The following UVRAG variants were observed in gnomAD, a reference collection of about 807,000 sequenced individuals.
The protein encoded by UVRAG is UV radiation resistance associated, also known as UV radiation resistance-associated gene protein.
A neutral mutation model predicts 78.0 loss-of-function variants in UVRAG; 19 were observed. The ratio of observed to expected loss-of-function variants is 0.24; its 90% CI spans 0.17 to 0.36. The LOEUF is 0.36. Among genes scored for constraint, UVRAG ranks in the 10% least tolerant of loss-of-function variants. The probability of loss-of-function intolerance (pLI) is 1.00; values close to 1 mark genes in which losing one functional copy is unlikely to be tolerated. For synonymous variants in UVRAG, 323 were observed against 324.6 expected (o/e 1.00, Z 0.05); for missense variants, 740 against 853.8 (o/e 0.87, Z 1.66).
intron 1 of UVRAG, among the ~76,000 whole-genome samples, chr11:75,824,304 T>A (rs149293511): frequency 2.2e-3 from 336 of 152,298 alleles, no homozygotes; most frequent in Middle Eastern, 3.4e-3. Flanking sequence ...ACTTAAGATA[T>A]CAGCATCTTG....
rs113213033 is a variant in UVRAG, at chr11:76,080,895, A to C, written c.1305+15107A>C. 1.7e-3 allele frequency among the ~76,000 whole-genome samples: 261 copies of C among 152,350 alleles called. 1 individual carries two copies. Among genetic ancestry groups the C allele is most frequent in the African/African-American group, 6.0e-3 (250 of 41,586 alleles). On this transcript the variant is annotated intron_variant, in intron 13 of 14. Coordinates refer to ENST00000356136, the MANE Select transcript of UVRAG (RefSeq NM_003369.4). ...ACAGACATGGATTCACTTCCTGATC[A>C]GTGTTGCCACTTGATAACTGTGGCC... is the stretch of plus-strand genomic sequence containing the variant.
intron 14 of UVRAG, among the ~76,000 whole-genome samples, chr11:76,121,651 C>G (rs1482399531): frequency 6.6e-6 from 1 of 152,136 alleles, no homozygotes; most frequent in Non-Finnish European, 1.5e-5. Flanking sequence ...TCAGGCAGTG[C>G]CTCGATTTTG....
intron 7 of UVRAG, 135 bp downstream of exon 7, chr11:75,961,684 A>C: frequency 1.7e-6 from 1 of 600,772 alleles, no homozygotes; most frequent in East Asian, 3.4e-5. Context: ...TTCTATTGGC[A>C]TTTAAATGTT....
Position 76,137,215 on chromosome 11 carries a change from C to T in UVRAG, c.1398-3496C>T, listed in dbSNP as rs960082572. The stretch of plus-strand genomic sequence containing the variant: ...TCAGGACATCTGCTTTACAAGAACA[C>T]AGCAAACTAAGAAAGGGTATAGTGG... On this transcript the variant is annotated intron_variant, in intron 14 of 14. Coordinates refer to ENST00000356136, the MANE Select transcript of UVRAG (RefSeq NM_003369.4). 7.6e-6 allele frequency: 3 copies of T among 397,202 alleles called. No homozygotes were observed. The Admixed American group carries it at 9.7e-5, about 13-fold the overall frequency. The allele number at this position is 397,202 out of a possible 1,614,324, so 24.6% of individuals were successfully genotyped here. A position where few individuals can be genotyped will look rare whatever the true frequency, so the allele number is the denominator to read the frequency against.
intron 12 of UVRAG, among the ~76,000 whole-genome samples, chr11:76,022,114 T>C (rs1748235973): frequency 1.3e-5 from 2 of 152,234 alleles, no homozygotes; most frequent in South Asian, 4.1e-4. Flanking sequence ...CCTTTCATTA[T>C]TGAGTTCTCG....
chr11:75,989,380 C>G (rs1335134147), intron 8 of UVRAG, among the ~76,000 whole-genome samples: 2 of 152,090 alleles, frequency 1.3e-5, no homozygotes, highest in Non-Finnish European at 2.9e-5. Context: ...TTTGTTCACC[C>G]TCTGCATTGT....
chr11:76,094,003 A>G (rs950908818), intron 13 of UVRAG, among the ~76,000 whole-genome samples: 4 of 152,088 alleles, frequency 2.6e-5, no homozygotes, highest in African/African-American at 4.8e-5. Flanking sequence ...GTTTGTCATA[A>G]ATAGCTCTTA....
intron 14 of UVRAG, among the ~76,000 whole-genome samples, chr11:76,123,349 A>G (rs1952325421): frequency 6.6e-6 from 1 of 152,222 alleles, no homozygotes; most frequent in African/African-American, 2.4e-5. Context: ...GGAAGAATTT[A>G]AGAACTTTAA....
intron 6 of UVRAG, among the ~76,000 whole-genome samples, chr11:75,954,439 G>A (rs985215649): frequency 2.0e-5 from 3 of 152,172 alleles, no homozygotes; most frequent in Non-Finnish European, 4.4e-5. Context: ...CTGGGTTGAT[G>A]ATGCCTATCA....
chr11:76,004,603 T>TTTCATTCATTCATTCA (rs10553590), intron 9 of UVRAG, among the ~76,000 whole-genome samples: 3 of 147,890 alleles, frequency 2.0e-5, no homozygotes, highest in African/African-American at 7.5e-5. Context: ...TGGAGAAACA[T>TTTCATTCATTCATTCA]TTCATTCATT....
chr11:75,900,745 A>T (rs1002515081), intron 5 of UVRAG, among the ~76,000 whole-genome samples: 1 of 152,100 alleles, frequency 6.6e-6, no homozygotes, highest in Non-Finnish European at 1.5e-5. Flanking sequence ...GATTGTGATT[A>T]TTTTCTGAGA....
intron 6 of UVRAG, among the ~76,000 whole-genome samples, chr11:75,918,119 C>A (rs1947898177): frequency 6.6e-6 from 1 of 150,690 alleles, no homozygotes; most frequent in Non-Finnish European, 1.5e-5. Flanking sequence ...GTAATCCCAG[C>A]ACTTTGGGAG....
At chr11:75,860,878 T>G (rs1161092315) in intron 2 of UVRAG, among the ~76,000 whole-genome samples, 1 of 151,952 alleles carries the variant, frequency 6.6e-6, no homozygotes, top group African/African-American at 2.4e-5. Flanking sequence ...CTCTGTCTCC[T>G]GGGTTCAAGC....
chr11:76,018,987 A>G (rs1237938914), intron 12 of UVRAG, among the ~76,000 whole-genome samples: 2 of 151,824 alleles, frequency 1.3e-5, no homozygotes, highest in East Asian at 3.9e-4. Flanking sequence ...CTTTGAGGCT[A>G]TTTTCTAGTT....
chr11:75,842,183 A>C (rs1232770981), intron 1 of UVRAG, among the ~76,000 whole-genome samples: 1 of 152,192 alleles, frequency 6.6e-6, no homozygotes, highest in East Asian at 1.9e-4. Flanking sequence ...ACATAGCTTC[A>C]TATCTGCCCA....
chr11:75,898,579 A>G (rs1445261523), intron 5 of UVRAG, among the ~76,000 whole-genome samples: 1 of 152,220 alleles, frequency 6.6e-6, no homozygotes, highest in Non-Finnish European at 1.5e-5. Flanking sequence ...GGATCAGAAC[A>G]CATCTCTCCC....
At chr11:76,009,223 T>C (rs1431027646) in intron 11 of UVRAG, among the ~76,000 whole-genome samples, 1 of 152,158 alleles carries the variant, frequency 6.6e-6, no homozygotes, top group Non-Finnish European at 1.5e-5. Flanking sequence ...ACAAAATCTG[T>C]TCTGTTATTA....
chr11:75,832,135 C>T (rs1284546552), intron 1 of UVRAG, among the ~76,000 whole-genome samples: 2 of 152,234 alleles, frequency 1.3e-5, no homozygotes, highest in Non-Finnish European at 2.9e-5. Flanking sequence ...TGCTGTTCCA[C>T]TTACAACACT....
intron 12 of UVRAG, among the ~76,000 whole-genome samples, chr11:76,063,711 T>TTA (rs1380741130): frequency 6.6e-6 from 1 of 152,222 alleles, no homozygotes; most frequent in East Asian, 1.9e-4. Flanking sequence ...TAATACTCCT[T>TTA]TAATGAGTCC....
Sources: gnomAD v4.1 joint callset for allele counts (sites outside exome capture counted in the v4.1 genomes callset) on GRCh38, gnomAD v4.1.1 for gene constraint, MANE v1.5 for transcripts, NCBI Gene and HGNC (gene_info 2026-07-23, HGNC 2026-07-21) for gene names.